METTL24: variants seen among roughly 807,000 people sequenced by gnomAD.
The protein encoded by METTL24 is probable methyltransferase-like protein 24.
A neutral mutation model predicts 32.7 loss-of-function variants in METTL24; 29 were observed. The observed-to-expected ratio is 0.89, with a 90% CI of 0.66 to 1.21. METTL24 has a LOEUF of 1.21. Ranked by LOEUF, METTL24 falls within the 50% of genes most tolerant of loss-of-function variation. The pLI is 0.00. For synonymous variants in METTL24, 163 were observed against 179.5 expected, an observed-to-expected ratio of 0.91 and a Z score of 0.73; for missense variants, 439 against 468.1, an observed-to-expected ratio of 0.94 and a Z score of 0.57.
chr6:110,354,692 G>A (rs1431451311), intron 1 of METTL24, among the ~76,000 whole-genome samples: 1 of 152,194 alleles, frequency 6.6e-6, no homozygotes, highest in Admixed American at 6.5e-5. Context: ...AGAGAGATAT[G>A]GGGTTATTGA....
chr6:110,334,875 A>G (rs1220225363), intron 1 of METTL24, among the ~76,000 whole-genome samples: 2 of 152,218 alleles, frequency 1.3e-5, no homozygotes, highest in Non-Finnish European at 2.9e-5. Flanking sequence ...CTACCTGACA[A>G]TTACAGATAA....
chr6:110,334,338 G>A (rs951125347), intron 1 of METTL24, among the ~76,000 whole-genome samples: 2 of 152,130 alleles, frequency 1.3e-5, no homozygotes, highest in African/African-American at 4.8e-5. Flanking sequence ...GCAAGCGCAG[G>A]AGAACATGGA....
intron 1 of METTL24, among the ~76,000 whole-genome samples, chr6:110,348,416 C>T (rs565476536): frequency 6.6e-5 from 10 of 152,338 alleles, no homozygotes; most frequent in African/African-American, 2.2e-4. Flanking sequence ...CTAGATCCCA[C>T]GTATTACTTT....
At chr6:110,279,788 C>G (rs1771106726) in intron 4 of METTL24, among the ~76,000 whole-genome samples, 1 of 152,140 alleles carries the variant, frequency 6.6e-6, no homozygotes, top group Non-Finnish European at 1.5e-5. Context: ...AACCCCAAAA[C>G]CCAAAGTACT....
chr6:110,264,843 G>T (rs2114703280), intron 4 of METTL24, among the ~76,000 whole-genome samples: 1 of 152,026 alleles, frequency 6.6e-6, no homozygotes, highest in African/African-American at 2.4e-5. Flanking sequence ...GAAGCTGGAA[G>T]CCATCATTCT....
At chr6:110,248,226 T>C (rs992957989) in intron 4 of METTL24, among the ~76,000 whole-genome samples, 2 of 152,212 alleles carry the variant, frequency 1.3e-5, no homozygotes, top group African/African-American at 4.8e-5. Flanking sequence ...TAAGCCTCTT[T>C]GCTTTATAAA....
At chr6:110,309,645 G>A (rs1428928079) in intron 3 of METTL24, among the ~76,000 whole-genome samples, 4 of 152,126 alleles carry the variant, frequency 2.6e-5, no homozygotes, top group Non-Finnish European at 4.4e-5. Flanking sequence ...AAAAGGTTGT[G>A]CAGGGAAACT....
intron 3 of METTL24, among the ~76,000 whole-genome samples, chr6:110,308,535 G>T (rs567356192): frequency 6.6e-6 from 1 of 152,158 alleles, no homozygotes; most frequent in Admixed American, 6.5e-5. Context: ...TGTAGGCAAG[G>T]ATATGGAGAA....
chr6:110,253,060 C>G (rs757800557), intron 4 of METTL24, among the ~76,000 whole-genome samples: 1 of 152,128 alleles, frequency 6.6e-6, no homozygotes, highest in East Asian at 1.9e-4. Flanking sequence ...GGCGTTCAAG[C>G]GTAGGCCGTA....
intron 1 of METTL24, among the ~76,000 whole-genome samples, chr6:110,354,189 C>T (rs945912411): frequency 1.3e-5 from 2 of 152,062 alleles, no homozygotes; most frequent in African/African-American, 2.4e-5. Context: ...CCCCTGATGT[C>T]GAAAGATCTG....
At chr6:110,262,522 T>C (rs373463845) in intron 4 of METTL24, among the ~76,000 whole-genome samples, 7 of 152,244 alleles carry the variant, frequency 4.6e-5, no homozygotes, top group Admixed American at 2.0e-4. Context: ...GATTCACAGC[T>C]GAATTCTACC....
chr6:110,272,825 T>C (rs1485219068), intron 4 of METTL24, among the ~76,000 whole-genome samples: 1 of 152,154 alleles, frequency 6.6e-6, no homozygotes, highest in Non-Finnish European at 1.5e-5. Flanking sequence ...GATTTTTTTT[T>C]CCTTGCTGAT....
At chr6:110,246,633 T>C (rs899889070) in intron 4 of METTL24, among the ~76,000 whole-genome samples, 1 of 152,166 alleles carries the variant, frequency 6.6e-6, no homozygotes, top group African/African-American at 2.4e-5. Context: ...CAACAGACCC[T>C]CTTGCTTTCT....
At chr6:110,346,791 C>T (rs1251981675) in intron 1 of METTL24, among the ~76,000 whole-genome samples, 1 of 152,228 alleles carries the variant, frequency 6.6e-6, no homozygotes, top group Non-Finnish European at 1.5e-5. Flanking sequence ...AGGCGTGAGT[C>T]AGCACACATG....
At chr6:110,338,170 A>C (rs1772277559) in intron 1 of METTL24, among the ~76,000 whole-genome samples, 1 of 151,978 alleles carries the variant, frequency 6.6e-6, no homozygotes, top group Non-Finnish European at 1.5e-5. Context: ...AAATATACAT[A>C]CTCTTTCTTT....
chr6:110,269,602 C>A (rs1770917768), intron 4 of METTL24, among the ~76,000 whole-genome samples: 1 of 152,048 alleles, frequency 6.6e-6, no homozygotes, highest in Non-Finnish European at 1.5e-5. Context: ...ATATTGTGGT[C>A]ATTGTATTTT....
At chr6:110,261,997 G>A (rs975168174) in intron 4 of METTL24, among the ~76,000 whole-genome samples, 7 of 152,002 alleles carry the variant, frequency 4.6e-5, no homozygotes, top group African/African-American at 1.7e-4. Flanking sequence ...AGCACTAAAT[G>A]CCCACAAGAG....
At chr6:110,295,794 AAAGGAAGGAAGGAAGGAAGGAAGG>A (rs71018387) in intron 4 of METTL24, among the ~76,000 whole-genome samples, 53 of 136,322 alleles carry the variant, frequency 3.9e-4, no homozygotes, top group Admixed American at 3.4e-3. Context: ...AGAAAGAAAG[AAAGGAAGGAAGGAAGGAAGGAAGG>A]AAGGAAGGAA....
chr6:110,302,372 A>G (rs1197789645), intron 3 of METTL24, among the ~76,000 whole-genome samples: 1 of 151,798 alleles, frequency 6.6e-6, no homozygotes, highest in Non-Finnish European at 1.5e-5. Flanking sequence ...TCTTCCTCTG[A>G]ATTGTCAGAA....
Sources: allele counts gnomAD v4.1 joint callset (sites outside exome capture counted in the v4.1 genomes callset), GRCh38; gene constraint gnomAD v4.1.1; transcripts MANE v1.5; gene names NCBI Gene and HGNC (gene_info 2026-07-23, HGNC 2026-07-21).